NCAM2: variants seen among roughly 807,000 people sequenced by gnomAD.
The protein encoded by NCAM2 is N-CAM-2.
Under a neutral mutation model 98.1 loss-of-function variants are expected in NCAM2, and 30 were observed. The observed-to-expected ratio is 0.31, with a 90% CI of 0.23 to 0.41. The LOEUF (loss-of-function observed/expected upper bound fraction) is 0.41. Ranked by LOEUF, NCAM2 falls within the 10% of genes least tolerant of loss-of-function variation. The pLI, the probability that NCAM2 is intolerant of heterozygous loss-of-function variation, is 1.00. For missense variants in NCAM2, 867 were observed against 1,005.8 expected, an observed-to-expected ratio of 0.86 and a Z score of 1.87; for synonymous variants, 368 against 342.4, an observed-to-expected ratio of 1.07 and a Z score of -0.83.
chr21:21,342,836 A>T (rs1329636429), intron 8 of NCAM2, among the ~76,000 whole-genome samples: 7 of 152,264 alleles, frequency 4.6e-5, no homozygotes, highest in Admixed American at 2.0e-4. Flanking sequence ...TATTCCCATG[A>T]CTTAAGTCCA....
At position 21,338,363 on chromosome 21, in the gene NCAM2, T is replaced by C. The variant is rs376687786; in HGVS notation, c.899-26T>C. The C allele has an allele frequency of 3.1e-6, 5 of 1,594,372 alleles. No individual in the cohort carries two copies. The African/African-American group carries it at 5.4e-5, about 17-fold the overall frequency. On this transcript the variant is annotated intron_variant, in intron 7 of 17. Coordinates refer to ENST00000400546, the MANE Select transcript of NCAM2 (RefSeq NM_004540.5). The stretch of plus-strand genomic sequence containing the variant: ...AAGTAATATTTTCCTCCAATACCGG[T>C]TGAGTAATATATATATTCTTTACAG...
rs892504149 is a variant in NCAM2 at position 21,537,388 on chromosome 21, T to C, written c.2403-458T>C. Among the ~76,000 whole-genome samples the C allele has an allele frequency of 6.6e-5, 10 of 152,122 alleles. No individual in the cohort carries two copies. The East Asian group carries it at 1.7e-3, about 26-fold the overall frequency. ...TGTAACAGAATATGGCAACAATTATTAATTGTTTTCACTGGAGAAAACGTA... is the reference window on the plus strand; with the variant it reads ...TGTAACAGAATATGGCAACAATTATCAATTGTTTTCACTGGAGAAAACGTA... On this transcript the variant is annotated intron_variant, in intron 17 of 17. Transcript: ENST00000400546.
chr21:21,237,765 A>T (rs977070672), intron 1 of NCAM2, among the ~76,000 whole-genome samples: 1 of 152,090 alleles, frequency 6.6e-6, no homozygotes. Context: ...AAAGAAAGCT[A>T]ATTTCACAAA....
intron 1 of NCAM2, among the ~76,000 whole-genome samples, chr21:21,228,622 A>G (rs1178427365): frequency 6.6e-6 from 1 of 151,516 alleles, no homozygotes; most frequent in Non-Finnish European, 1.5e-5. Flanking sequence ...TAAAAAGGAT[A>G]CAGTTCATGT....
Position 21,150,021 on chromosome 21 carries a change from C to T in NCAM2, c.56-130557C>T, listed in dbSNP as rs1388418345. 2.6e-5 allele frequency among the ~76,000 whole-genome samples: 4 copies of T among 152,262 alleles called. No homozygotes were observed. The East Asian group carries it at 7.7e-4, about 29-fold the overall frequency. On this transcript the variant is annotated intron_variant, in intron 1 of 17. Transcript: ENST00000400546. ...TTTCCACAACGGTTGAACTAATTTA[C>T]AGTCCCACCAACAGTGTAAAAGCGT...
intron 9 of NCAM2, among the ~76,000 whole-genome samples, chr21:21,403,531 A>C (rs538373413): frequency 3.1e-4 from 47 of 152,328 alleles, no homozygotes; most frequent in Middle Eastern, 6.8e-3. Context: ...TCAGGGAAGA[A>C]AAACTTTTAT....
chr21:21,155,773 A>G lies in NCAM2; in HGVS notation c.56-124805A>G, dbSNP rs575439377. Among the ~76,000 whole-genome samples the G allele has an allele frequency of 2.6e-5, 4 of 152,136 alleles. 1 individual carries two copies. The East Asian group carries it at 7.7e-4, about 29-fold the overall frequency. The stretch of plus-strand genomic sequence containing the variant: ...AATTTAGTTTGACTGTATTTTTACA[A>G]ATTAAATGAGATACTGATTCTACTC... On this transcript the variant is annotated intron_variant, in intron 1 of 17. Transcript: ENST00000400546.
intron 15 of NCAM2, among the ~76,000 whole-genome samples, chr21:21,489,580 G>T: frequency 6.6e-6 from 1 of 152,120 alleles, no homozygotes; most frequent in South Asian, 2.1e-4. Flanking sequence ...ATAGAAATAT[G>T]TCATAAAAGC....
At chr21:21,335,792 T>C in intron 7 of NCAM2, 127 bp downstream of exon 7, 1 of 852,838 alleles carries the variant, frequency 1.2e-6, no homozygotes, top group African/African-American at 1.8e-5. Context: ...CTGTAATATG[T>C]TTTTTAAATT....
intron 9 of NCAM2, among the ~76,000 whole-genome samples, chr21:21,397,023 G>A (rs1433532634): frequency 6.6e-6 from 1 of 152,178 alleles, no homozygotes; most frequent in Non-Finnish European, 1.5e-5. Flanking sequence ...CAGACAAGTG[G>A]TGGGTTAGCA....
At chr21:21,388,738 T>G (rs932286709) in intron 9 of NCAM2, among the ~76,000 whole-genome samples, 4 of 152,346 alleles carry the variant, frequency 2.6e-5, no homozygotes, top group African/African-American at 9.6e-5. Context: ...ATTGAGTATG[T>G]GAATCTGTTT....
chr21:21,537,006 G>C (rs1407363271), intron 17 of NCAM2, among the ~76,000 whole-genome samples: 2 of 152,056 alleles, frequency 1.3e-5, no homozygotes, highest in African/African-American at 4.8e-5. Flanking sequence ...ATATTAAAAA[G>C]TGAGCAAGTC....
At chr21:21,119,773 AG>A (rs1024295305) in intron 1 of NCAM2, among the ~76,000 whole-genome samples, 2 of 152,346 alleles carry the variant, frequency 1.3e-5, no homozygotes, top group East Asian at 1.9e-4. Flanking sequence ...CTAAACTTTT[AG>A]GAAAAATAAG....
intron 15 of NCAM2, among the ~76,000 whole-genome samples, chr21:21,485,769 G>T (rs1417302022): frequency 6.6e-6 from 1 of 152,072 alleles, no homozygotes; most frequent in African/African-American, 2.4e-5. Flanking sequence ...TCAAATGATT[G>T]GGTTCTGGAC....
intron 1 of NCAM2, among the ~76,000 whole-genome samples, chr21:21,141,371 A>T (rs1474875221): frequency 6.6e-6 from 1 of 152,182 alleles, no homozygotes; most frequent in Non-Finnish European, 1.5e-5. Flanking sequence ...ATTCACTGGC[A>T]GTTGGAAATG....
chr21:21,003,532 G>T (rs375746384), intron 1 of NCAM2, among the ~76,000 whole-genome samples: 1 of 152,054 alleles, frequency 6.6e-6, no homozygotes, highest in Non-Finnish European at 1.5e-5. Context: ...TTGATGCTCG[G>T]CCATGAGGAG....
At chr21:21,050,786 T>C (rs1168704642) in intron 1 of NCAM2, among the ~76,000 whole-genome samples, 2 of 152,176 alleles carry the variant, frequency 1.3e-5, no homozygotes, top group Non-Finnish European at 2.9e-5. Context: ...ATTATAAGAT[T>C]TAAATGAGTC....
chr21:21,525,424 TAGAG>T (rs1420720947), intron 16 of NCAM2, among the ~76,000 whole-genome samples: 4 of 151,964 alleles, frequency 2.6e-5, no homozygotes, highest in Non-Finnish European at 4.4e-5. Flanking sequence ...CAAAGTGAAA[TAGAG>T]AAATTCCTCA....
At chr21:21,469,458 C>A (rs538774351) in intron 14 of NCAM2, among the ~76,000 whole-genome samples, 40 of 151,958 alleles carry the variant, frequency 2.6e-4, no homozygotes, top group African/African-American at 9.6e-4. Context: ...TCCATAAGTA[C>A]CTTGGAGTAT....
Sources: allele counts gnomAD v4.1 joint callset (sites outside exome capture counted in the v4.1 genomes callset), GRCh38; gene constraint gnomAD v4.1.1; transcripts MANE v1.5; gene names NCBI Gene and HGNC (gene_info 2026-07-23, HGNC 2026-07-21).